The following SLMAP variants were observed in gnomAD, a reference collection of about 807,000 sequenced individuals.
SLMAP encodes the protein sarcolemma associated protein.
SLMAP carries 44 observed loss-of-function variants against 128.8 expected under a neutral mutation model. That is an observed-to-expected ratio of 0.34 (90% CI 0.27 to 0.44). The LOEUF (loss-of-function observed/expected upper bound fraction) is 0.44. Among genes scored for constraint, SLMAP ranks in the 20% least tolerant of loss-of-function variants. The probability of loss-of-function intolerance (pLI) is 1.00; values close to 1 mark genes in which losing one functional copy is unlikely to be tolerated. For synonymous variants in SLMAP, 327 were observed against 348.8 expected, an observed-to-expected ratio of 0.94 and a Z score of 0.70; for missense variants, 787 against 985.3, an observed-to-expected ratio of 0.80 and a Z score of 2.69.
rs116760046 is a variant in SLMAP at position 57,923,417 on chromosome 3, T to C, written c.2445+394T>C. Among the ~76,000 whole-genome samples the C allele has an allele frequency of 5.6e-3, 852 of 152,352 alleles. 5 individuals carry two copies. The highest frequency in any genetic ancestry group is 7.8e-3 in the Admixed American group (120 of 15,298). On this transcript the variant is annotated intron_variant, in intron 23 of 24. Coordinates refer to ENST00000671191, the MANE Select transcript of SLMAP (RefSeq NM_001377540.1). Reference sequence around the variant, plus strand: ...GAGAGAGTAGTACATGTTGTTCTTATACCAATAATGTTCTCACTGAGGCAC... The same window carrying C: ...GAGAGAGTAGTACATGTTGTTCTTACACCAATAATGTTCTCACTGAGGCAC...
chr3:57,863,844 C>T (rs926059531), intron 10 of SLMAP, among the ~76,000 whole-genome samples: 1 of 152,160 alleles, frequency 6.6e-6, no homozygotes, highest in South Asian at 2.1e-4. Flanking sequence ...AGTGATTGTA[C>T]TGTCATCTCG....
intron 2 of SLMAP, among the ~76,000 whole-genome samples, chr3:57,763,567 G>A (rs574982581): frequency 8.8e-4 from 134 of 152,038 alleles, no homozygotes; most frequent in African/African-American, 3.0e-3. Context: ...GAGCCACCGC[G>A]CCCGGCCTAG....
intron 14 of SLMAP, among the ~76,000 whole-genome samples, chr3:57,889,091 A>G (rs2095990884): frequency 6.6e-6 from 1 of 152,120 alleles, no homozygotes; most frequent in Non-Finnish European, 1.5e-5. Context: ...TCATCATGTT[A>G]GCCAGGATGG....
At chr3:57,918,970 A>C (rs1466736657) in intron 22 of SLMAP, among the ~76,000 whole-genome samples, 1 of 152,250 alleles carries the variant, frequency 6.6e-6, no homozygotes, top group Non-Finnish European at 1.5e-5. Flanking sequence ...AGAAAGCAAG[A>C]TGGAGCAAAA....
intron 14 of SLMAP, among the ~76,000 whole-genome samples, chr3:57,886,318 C>T (rs1164745895): frequency 6.6e-6 from 1 of 151,818 alleles, no homozygotes; most frequent in South Asian, 2.1e-4. Flanking sequence ...AGGCTGGTCT[C>T]GAACTCCTGA....
At chr3:57,810,992 G>A (rs934010585) in intron 2 of SLMAP, among the ~76,000 whole-genome samples, 36 of 152,210 alleles carry the variant, frequency 2.4e-4, no homozygotes, top group Middle Eastern at 3.4e-3. Context: ...GCTGACGACA[G>A]CTTAATTTAT....
intron 14 of SLMAP, among the ~76,000 whole-genome samples, chr3:57,879,949 CA>C (rs200618505): frequency 6.3e-4 from 68 of 108,220 alleles, no homozygotes; most frequent in Middle Eastern, 4.7e-3. Context: ...GACTCTGTCT[CA>C]AAAAAAAAAA....
chr3:57,850,054 T>C (rs2153579161), intron 6 of SLMAP, among the ~76,000 whole-genome samples: 1 of 152,162 alleles, frequency 6.6e-6, no homozygotes, highest in South Asian at 2.1e-4. Flanking sequence ...CGTGCATCTG[T>C]AGTCCCAGCT....
intron 2 of SLMAP, among the ~76,000 whole-genome samples, chr3:57,781,699 A>C (rs2083101382): frequency 6.6e-6 from 1 of 150,860 alleles, no homozygotes; most frequent in Non-Finnish European, 1.5e-5. Flanking sequence ...GTAACTATAC[A>C]AGCTATTCTA....
chr3:57,890,253 A>C, intron 15 of SLMAP, 153 bp downstream of exon 15: 1 of 580,782 alleles, frequency 1.7e-6, no homozygotes, highest in African/African-American at 1.9e-5. Context: ...TATATAAAAT[A>C]ATCAGACTTC....
At chr3:57,892,612 A>G (rs939705855) in intron 15 of SLMAP, among the ~76,000 whole-genome samples, 1 of 152,124 alleles carries the variant, frequency 6.6e-6, no homozygotes, top group Non-Finnish European at 1.5e-5. Flanking sequence ...CTATAGTATC[A>G]GGACACAACA....
At chr3:57,775,555 T>C (rs1423502140) in intron 2 of SLMAP, among the ~76,000 whole-genome samples, 9 of 122,934 alleles carry the variant, frequency 7.3e-5, no homozygotes, top group African/African-American at 2.5e-4. Flanking sequence ...GGCGTGGTGG[T>C]GTATGCCTGT....
intron 14 of SLMAP, among the ~76,000 whole-genome samples, chr3:57,879,012 G>C (rs2095665266): frequency 6.6e-6 from 1 of 152,168 alleles, no homozygotes; most frequent in Non-Finnish European, 1.5e-5. Context: ...ATTAGTTGTA[G>C]CTGTCAAGTA....
chr3:57,854,045 ATACACATAACATATATAACACATT>A (rs2094645190), intron 6 of SLMAP, among the ~76,000 whole-genome samples: 6 of 103,360 alleles, frequency 5.8e-5, no homozygotes, highest in Non-Finnish European at 1.2e-4. Context: ...GTGTATATAT[ATACACATAACATATATAACACATT>A]ATATATATAT....
At chr3:57,795,247 T>C (rs1302089107) in intron 2 of SLMAP, among the ~76,000 whole-genome samples, 1 of 152,180 alleles carries the variant, frequency 6.6e-6, no homozygotes, top group Non-Finnish European at 1.5e-5. Flanking sequence ...TATATCCTTT[T>C]GAAAAATTGG....
chr3:57,899,450 T>G (rs1260592604), intron 17 of SLMAP: 2 of 152,266 alleles, frequency 1.3e-5, no homozygotes, highest in Admixed American at 6.5e-5. Context: ...CTAAAACTTT[T>G]CTTTACATTT....
intron 2 of SLMAP, among the ~76,000 whole-genome samples, chr3:57,770,686 G>A (rs2080671441): frequency 1.3e-5 from 2 of 152,148 alleles, no homozygotes; most frequent in South Asian, 4.1e-4. Flanking sequence ...TATGTAAAAG[G>A]AGGCTAATAA....
intron 13 of SLMAP, among the ~76,000 whole-genome samples, chr3:57,868,819 TATAAA>T (rs2095380075): frequency 8.1e-6 from 1 of 122,714 alleles, no homozygotes; most frequent in African/African-American, 3.3e-5. Context: ...TATATATATA[TATAAA>T]ATATATATAT....
intron 8 of SLMAP, among the ~76,000 whole-genome samples, chr3:57,859,783 GCACTAAAACCCCAGA>G (rs913141307): frequency 8.5e-5 from 13 of 152,080 alleles, no homozygotes; most frequent in African/African-American, 3.1e-4. Context: ...GGTAATGAGT[GCACTAAAACCCCAGA>G]CATCACCACT....
Sources: allele counts gnomAD v4.1 joint callset (sites outside exome capture counted in the v4.1 genomes callset), GRCh38; gene constraint gnomAD v4.1.1; transcripts MANE v1.5; gene names NCBI Gene and HGNC (gene_info 2026-07-23, HGNC 2026-07-21).